RBMS3: variants seen among roughly 807,000 people sequenced by gnomAD.
RBMS3 encodes the protein RNA-binding motif, single-stranded-interacting protein 3.
Under a neutral mutation model 66.8 loss-of-function variants are expected in RBMS3, and 27 were observed. That is an observed-to-expected ratio of 0.40 (90% confidence interval 0.30 to 0.56). The LOEUF is 0.56. RBMS3 is among the 20% of genes least tolerant of loss of function. RBMS3 has a pLI of 0.40. For synonymous variants in RBMS3, 188 were observed against 183.0 expected (o/e 1.03, Z -0.22); for missense variants, 513 against 549.5 (o/e 0.93, Z 0.66).
intron 3 of RBMS3, among the ~76,000 whole-genome samples, chr3:29,573,402 C>T (rs1488996478): frequency 6.6e-6 from 1 of 152,294 alleles, no homozygotes; most frequent in East Asian, 1.9e-4. Flanking sequence ...CAGGCATGAG[C>T]CACCATGCTC....
At chr3:29,737,966 T>C (rs1312907062) in intron 4 of RBMS3, among the ~76,000 whole-genome samples, 1 of 152,084 alleles carries the variant, frequency 6.6e-6, no homozygotes, top group Non-Finnish European at 1.5e-5. Context: ...GCTCTAGTCA[T>C]CTTTTCCAGA....
intron 6 of RBMS3, among the ~76,000 whole-genome samples, chr3:29,858,706 T>C (rs2059139489): frequency 1.3e-5 from 2 of 152,254 alleles, no homozygotes; most frequent in African/African-American, 4.8e-5. Flanking sequence ...CTTTTTCCAC[T>C]TGAAACAATA....
At position 29,801,630 on chromosome 3, in the gene RBMS3, C is replaced by T. The variant is rs2057394469; in HGVS notation, c.637+38641C>T. Reference sequence around the variant, plus strand: ...AATCCAAATATTTCATTTATTTTTTCTTCCTCATTTATGAGCTAAGTTTTT... The same window carrying T: ...AATCCAAATATTTCATTTATTTTTTTTTCCTCATTTATGAGCTAAGTTTTT... On this transcript the variant is annotated intron_variant, in intron 6 of 14. Transcript: ENST00000383767. Among the ~76,000 whole-genome samples the T allele has an allele frequency of 7.9e-5, 12 of 152,210 alleles. No individual in the cohort carries two copies. The South Asian group carries it at 2.5e-3, about 32-fold the overall frequency.
chr3:29,691,947 C>CTCTTTTTTTTTTTTTT (rs1218393454), intron 4 of RBMS3, among the ~76,000 whole-genome samples: 2 of 53,514 alleles, frequency 3.7e-5, no homozygotes, highest in African/African-American at 7.5e-5. Context: ...CTCTCTCTCT[C>CTCTTTTTTTTTTTTTT]TATTTTTTTT....
intron 3 of RBMS3, among the ~76,000 whole-genome samples, chr3:29,531,566 G>T (rs934047519): frequency 3.9e-5 from 6 of 152,200 alleles, no homozygotes; most frequent in Admixed American, 2.0e-4. Flanking sequence ...GCGGAATTTT[G>T]TAGCTAGAAT....
At chr3:29,728,199 G>A (rs112117579) in intron 4 of RBMS3, among the ~76,000 whole-genome samples, 2 of 150,880 alleles carry the variant, frequency 1.3e-5, no homozygotes, top group South Asian at 4.2e-4. Context: ...CACACTGGGG[G>A]CCTGTTGGGG....
At chr3:29,653,043 A>T (rs1455037175) in intron 4 of RBMS3, among the ~76,000 whole-genome samples, 2 of 152,180 alleles carry the variant, frequency 1.3e-5, no homozygotes, top group Non-Finnish European at 2.9e-5. Flanking sequence ...TTAACTGGAG[A>T]TATTGATGGG....
intron 4 of RBMS3, among the ~76,000 whole-genome samples, chr3:29,607,114 AT>A (rs1439604728): frequency 6.6e-6 from 1 of 151,962 alleles, no homozygotes; most frequent in Non-Finnish European, 1.5e-5. Flanking sequence ...GAATTGCTGT[AT>A]TGGGTACATT....
intron 2 of RBMS3, among the ~76,000 whole-genome samples, chr3:29,439,732 A>G (rs1053579042): frequency 2.6e-5 from 4 of 152,178 alleles, no homozygotes; most frequent in South Asian, 4.1e-4. Context: ...AGCATTAGGT[A>G]TATCTCCTAA....
At chr3:29,326,440 G>T (rs2035340320) in intron 1 of RBMS3, among the ~76,000 whole-genome samples, 1 of 152,106 alleles carries the variant, frequency 6.6e-6, no homozygotes, top group African/African-American at 2.4e-5. Flanking sequence ...ACACAAATAA[G>T]TGTTCTCTCT....
At chr3:29,597,776 A>G (rs2048003833) in intron 4 of RBMS3, among the ~76,000 whole-genome samples, 1 of 152,120 alleles carries the variant, frequency 6.6e-6, no homozygotes, top group Non-Finnish European at 1.5e-5. Context: ...CATTAGCAAT[A>G]TCATACCTTT....
chr3:29,684,663 A>G (rs2051636430), intron 4 of RBMS3, among the ~76,000 whole-genome samples: 1 of 152,186 alleles, frequency 6.6e-6, no homozygotes, highest in Non-Finnish European at 1.5e-5. Context: ...TACTTTTCAC[A>G]TATGATTGAT....
intron 1 of RBMS3, among the ~76,000 whole-genome samples, chr3:29,401,043 C>T (rs2039788829): frequency 6.6e-6 from 1 of 151,902 alleles, no homozygotes; most frequent in African/African-American, 2.4e-5. Context: ...TGAAGCAGTG[C>T]AAATAATGTG....
intron 1 of RBMS3, among the ~76,000 whole-genome samples, chr3:29,385,584 CTA>C (rs2038975829): frequency 6.6e-6 from 1 of 152,180 alleles, no homozygotes; most frequent in African/African-American, 2.4e-5. Context: ...CAACCCCCCT[CTA>C]TGAGTCTCGT....
chr3:29,747,118 G>A (rs934057556), intron 5 of RBMS3, among the ~76,000 whole-genome samples: 2 of 152,180 alleles, frequency 1.3e-5, no homozygotes. Context: ...CTGGCCAATA[G>A]AAAAGTAAGA....
At chr3:29,535,224 G>A (rs1023116343) in intron 3 of RBMS3, among the ~76,000 whole-genome samples, 3 of 152,072 alleles carry the variant, frequency 2.0e-5, no homozygotes, top group Admixed American at 6.5e-5. Flanking sequence ...ATCTTATATA[G>A]CAAAAATATT....
At chr3:29,409,087 G>C (rs2040153779) in intron 1 of RBMS3, among the ~76,000 whole-genome samples, 2 of 152,156 alleles carry the variant, frequency 1.3e-5, no homozygotes, top group Non-Finnish European at 2.9e-5. Context: ...ATGTCGCACA[G>C]CAAGTTAGCT....
At chr3:29,336,488 A>G (rs1272719915) in intron 1 of RBMS3, among the ~76,000 whole-genome samples, 2 of 152,082 alleles carry the variant, frequency 1.3e-5, no homozygotes, top group Non-Finnish European at 2.9e-5. Context: ...AACCTGTGAG[A>G]CGGTGTTTGT....
intron 3 of RBMS3, among the ~76,000 whole-genome samples, chr3:29,585,354 T>C (rs1383317427): frequency 3.3e-5 from 5 of 152,140 alleles, no homozygotes; most frequent in African/African-American, 7.2e-5. Flanking sequence ...TTGAGTCCTT[T>C]CTCTGATGGG....
Sources: allele counts gnomAD v4.1 joint callset (sites outside exome capture counted in the v4.1 genomes callset), GRCh38; gene constraint gnomAD v4.1.1; transcripts MANE v1.5; gene names NCBI Gene and HGNC (gene_info 2026-07-23, HGNC 2026-07-21).